OGDH: variants seen among roughly 807,000 people sequenced by gnomAD.
The protein encoded by OGDH is oxoglutarate dehydrogenase.
In OGDH, 38 loss-of-function variants were observed where a neutral mutation model predicts 116.6. That is an observed-to-expected ratio of 0.33 (90% confidence interval 0.25 to 0.43). OGDH has a LOEUF of 0.43. Among genes scored for constraint, OGDH ranks in the 20% least tolerant of loss-of-function variants. The probability of loss-of-function intolerance (pLI) is 1.00; values close to 1 mark genes in which losing one functional copy is unlikely to be tolerated. For synonymous variants in OGDH, 488 were observed against 533.3 expected, an observed-to-expected ratio of 0.92 and a Z score of 1.17; for missense variants, 825 against 1,357.2, an observed-to-expected ratio of 0.61 and a Z score of 6.16.
chr7:44,646,503 T>C (rs1217806560), intron 3 of OGDH, among the ~76,000 whole-genome samples: 1 of 152,258 alleles, frequency 6.6e-6, no homozygotes, highest in African/African-American at 2.4e-5. Flanking sequence ...TGGAGTTTTG[T>C]AAATGCTATA....
At chr7:44,705,263 G>A (rs1305190312) in intron 20 of OGDH, among the ~76,000 whole-genome samples, 7 of 147,876 alleles carry the variant, frequency 4.7e-5, no homozygotes, top group Non-Finnish European at 5.9e-5. Flanking sequence ...CGTTTTAGCC[G>A]GGATGGTCTC....
chr7:44,639,695 T>G (rs575147034), intron 2 of OGDH, among the ~76,000 whole-genome samples: 1 of 152,152 alleles, frequency 6.6e-6, no homozygotes, highest in Non-Finnish European at 1.5e-5. Context: ...TGTTGTTGGG[T>G]GTGGGGGCTC....
At chr7:44,638,553 C>T (rs1785778186) in intron 2 of OGDH, among the ~76,000 whole-genome samples, 1 of 152,186 alleles carries the variant, frequency 6.6e-6, no homozygotes, top group African/African-American at 2.4e-5. Flanking sequence ...AAGTCACTGC[C>T]CCTGCCTACA....
At chr7:44,631,162 A>G (rs917465595) in intron 2 of OGDH, among the ~76,000 whole-genome samples, 1 of 152,142 alleles carries the variant, frequency 6.6e-6, no homozygotes, top group Non-Finnish European at 1.5e-5. Context: ...TTTACCAACT[A>G]TTTTCAATCC....
intron 4 of OGDH, among the ~76,000 whole-genome samples, chr7:44,664,598 TC>T (rs533613319): frequency 2.1e-3 from 314 of 152,258 alleles, no homozygotes; most frequent in Non-Finnish European, 3.7e-3. Flanking sequence ...AAAAAGAAAT[TC>T]CAGGGAACTC....
chr7:44,648,371 A>G (rs1462703532), intron 4 of OGDH, among the ~76,000 whole-genome samples: 2 of 152,210 alleles, frequency 1.3e-5, no homozygotes, highest in African/African-American at 4.8e-5. Context: ...CGGTTGCCAG[A>G]AGATAGTCCC....
chr7:44,613,342 TTTTG>T (rs978484092), intron 1 of OGDH, among the ~76,000 whole-genome samples: 14 of 151,808 alleles, frequency 9.2e-5, no homozygotes, highest in East Asian at 3.9e-4. Flanking sequence ...CACCTGGCTG[TTTTG>T]TTTGTTTGTT....
At position 44,694,983 on chromosome 7, in the gene OGDH, G is replaced by A. The variant is rs1788516690; in HGVS notation, c.1668+407G>A. On this transcript the variant is annotated intron_variant, in intron 12 of 22. Transcript: ENST00000222673. This position sits in a 1 kb window ranked among gnomAD's most constrained non-coding sequence, Gnocchi z 4.2. ...AGCAGCTGCCCTAGAGAGGGAGAGG[G>A]TGGGTGTGAGGAGCTATATCTGAGC... Among the ~76,000 whole-genome samples the A allele has an allele frequency of 1.3e-5, 2 of 152,134 alleles. No homozygotes were observed. The highest frequency in any genetic ancestry group is 2.4e-5 in the African/African-American group (1 of 41,408).
intron 1 of OGDH, among the ~76,000 whole-genome samples, chr7:44,611,240 G>T (rs1784551943): frequency 6.6e-6 from 1 of 151,312 alleles, no homozygotes; most frequent in Admixed American, 6.6e-5. Flanking sequence ...TCTGCACCAT[G>T]CCTGGCTAAT....
rs768076426 is a variant in OGDH at position 44,676,009 on chromosome 7, C to T, written c.1066C>T (p.Arg356Cys). The change falls in exon 9 of 23, where the codon CGC (arginine) becomes TGC (cysteine). Residue 356 changes from arginine to cysteine, a missense_variant. Arg to Cys is a radical substitution (Grantham distance 180). Coordinates refer to ENST00000222673, the MANE Select transcript of OGDH (RefSeq NM_002541.4). ...DVKYHLGMYH[R>C]RINRVTDRNI... is the part of the protein sequence containing the mutation. ...GAAGTACCACCTGGGCATGTATCAC[C>T]GCAGGATCAATCGTGTCACCGACAG... is the stretch of plus-strand genomic sequence containing the variant. 5 of 1,614,126 alleles carry T rather than the reference C, an allele frequency of 3.1e-6. No individual in the cohort carries two copies. The highest frequency in any genetic ancestry group is 3.4e-6 in the Non-Finnish European group (4 of 1,180,030).
At position 44,708,177 on chromosome 7, in the gene OGDH, C is replaced by G. The variant is rs1662340914; in HGVS notation, c.*178C>G. The G allele has an allele frequency of 8.4e-6, 7 of 835,020 alleles. No individual in the cohort carries two copies. The highest frequency in any genetic ancestry group is 1.3e-5 in the Non-Finnish European group (7 of 552,894). 51.7% of individuals were successfully genotyped at this position (835,020 alleles called of 1,614,324 possible). A position where few individuals can be genotyped will look rare whatever the true frequency, so the allele number is the denominator to read the frequency against. On this transcript the variant is annotated 3_prime_UTR_variant, in exon 23 of 23. Transcript: ENST00000222673. ...TCGTCCCCCTCCAGTGCTTGGCTGC[C>G]CCACAGGCCACACGCTGCCCAGGCT... is the stretch of plus-strand genomic sequence containing the variant.
intron 7 of OGDH, 73 bp from the exon 8 acceptor site, chr7:44,675,105 T>C: frequency 8.4e-7 from 1 of 1,193,192 alleles, no homozygotes; most frequent in Non-Finnish European, 1.2e-6. Flanking sequence ...AGGGGGGGAT[T>C]GTAACACCCT....
intron 4 of OGDH, among the ~76,000 whole-genome samples, chr7:44,654,707 T>G (rs1471709341): frequency 6.6e-6 from 1 of 152,116 alleles, no homozygotes; most frequent in East Asian, 1.9e-4. Flanking sequence ...TCAAGGAGAA[T>G]GAAGCTGGCC....
intron 3 of OGDH, 181 bp from the exon 4 acceptor site, chr7:44,647,476 T>C (rs534039420): frequency 6.5e-7 from 1 of 1,538,762 alleles, no homozygotes; most frequent in South Asian, 1.2e-5. Flanking sequence ...AACTTGATCC[T>C]CTCGGAATTA....
chr7:44,606,782 G>C (rs1172846422), intron 1 of OGDH, 129 bp downstream of exon 1: 1 of 152,392 alleles, frequency 6.6e-6, no homozygotes, highest in Non-Finnish European at 1.5e-5. Context: ...CGGTGACAGG[G>C]GAGTGGAGCT....
At chr7:44,689,558 A>T (rs1388275631) in intron 10 of OGDH, among the ~76,000 whole-genome samples, 1 of 151,426 alleles carries the variant, frequency 6.6e-6, no homozygotes, top group Non-Finnish European at 1.5e-5. Context: ...CAGTTTTTTC[A>T]TGTCCTCACC....
chr7:44,663,474 A>G (rs1787038567), intron 4 of OGDH, among the ~76,000 whole-genome samples: 1 of 152,200 alleles, frequency 6.6e-6, no homozygotes, highest in South Asian at 2.1e-4. Flanking sequence ...CTCTATTAAA[A>G]ATACAAAAAC....
intron 2 of OGDH, among the ~76,000 whole-genome samples, chr7:44,627,758 A>C (rs890340437): frequency 3.9e-5 from 6 of 151,936 alleles, no homozygotes; most frequent in Non-Finnish European, 8.8e-5. Flanking sequence ...GCTCACTGCA[A>C]CCTCCACCTC....
rs1233170928 is a variant in OGDH, at chr7:44,673,831, T to C, written c.678T>C (p.Asn226=). ...TTGGGGTGGAGTTCATGTTCATCAA[T>C]GACCTGGAGCAGTGCCAGTGGATCC... ...QHIGVEFMFI[N]DLEQCQWIRQ... The change falls in exon 6 of 23, where the codon AAT becomes AAC. Residue 226 remains asparagine, a synonymous_variant. Transcript: ENST00000222673. The C allele has an allele frequency of 1.9e-6, 3 of 1,614,114 alleles. No homozygotes were observed. In the East Asian group the frequency reaches 6.7e-5, roughly 36 times the overall value.
Sources: gnomAD v4.1 joint callset for allele counts (sites outside exome capture counted in the v4.1 genomes callset) on GRCh38, gnomAD v4.1.1 for gene constraint, Gnocchi (gnomAD v3.1) non-coding constraint, MANE v1.5 for transcripts, NCBI Gene and HGNC (gene_info 2026-07-23, HGNC 2026-07-21) for gene names.